PFDN4: variants seen among roughly 807,000 people sequenced by gnomAD.
PFDN4 encodes prefoldin 4.
PFDN4 carries 6 observed loss-of-function variants against 17.6 expected under a neutral mutation model. The observed-to-expected ratio is 0.34, with a 90% CI of 0.19 to 0.67. The LOEUF is 0.67. Among genes scored for constraint, PFDN4 ranks in the 30% least tolerant of loss-of-function variants. The pLI is 0.68. For missense variants in PFDN4, 119 were observed against 158.4 expected (o/e 0.75, Z 1.33); for synonymous variants, 48 against 51.1 (o/e 0.94, Z 0.26).
At chr20:54,216,488 T>C (rs2092762622) in intron 3 of PFDN4, among the ~76,000 whole-genome samples, 1 of 152,180 alleles carries the variant, frequency 6.6e-6, no homozygotes, top group Non-Finnish European at 1.5e-5. Context: ...GTTTAAATCT[T>C]TTCTTCTTGG....
At chr20:54,216,633 CT>C (rs1266420326) in intron 3 of PFDN4, among the ~76,000 whole-genome samples, 1 of 151,852 alleles carries the variant, frequency 6.6e-6, no homozygotes, top group Non-Finnish European at 1.5e-5. Context: ...AGCTACTGAA[CT>C]TTTATTTTAT....
intron 2 of PFDN4, among the ~76,000 whole-genome samples, 174 bp downstream of exon 2, chr20:54,214,632 A>T (rs548595859): frequency 3.5e-4 from 53 of 152,100 alleles, no homozygotes; most frequent in Non-Finnish European, 6.3e-4. Flanking sequence ...GCGATAACTT[A>T]CAGAGTTGTT....
intron 1 of PFDN4, 43 bp downstream of exon 1, chr20:54,208,167 G>T: frequency 6.7e-7 from 1 of 1,502,948 alleles, no homozygotes. Flanking sequence ...GGCGGCGCCG[G>T]ATCTCGGCCG....
intron 1 of PFDN4, among the ~76,000 whole-genome samples, chr20:54,212,822 A>G (rs1000733451): frequency 1.6e-4 from 24 of 151,770 alleles, no homozygotes; most frequent in African/African-American, 5.9e-4. Context: ...GTGCCAAGAT[A>G]TAGACTTTGG....
At chr20:54,218,765 A>C (rs759607015) in intron 3 of PFDN4, among the ~76,000 whole-genome samples, 2 of 152,254 alleles carry the variant, frequency 1.3e-5, no homozygotes, top group Non-Finnish European at 2.9e-5. Context: ...TAATTTAGAC[A>C]GTAATTTTTT....
chr20:54,211,939 T>C (rs1212333205), intron 1 of PFDN4, among the ~76,000 whole-genome samples: 1 of 152,178 alleles, frequency 6.6e-6, no homozygotes, highest in Non-Finnish European at 1.5e-5. Flanking sequence ...AAGCCTGTAA[T>C]CCCAGCACTT....
rs1290053378 is a variant in PFDN4, at chr20:54,219,000, T to A, written c.274-19T>A. The A allele has an allele frequency of 7.1e-7, 1 of 1,408,454 alleles. No individual in the cohort carries two copies. Among genetic ancestry groups the A allele is most frequent in the Non-Finnish European group, 9.7e-7 (1 of 1,033,940 alleles). The allele number at this position is 1,408,454 out of a possible 1,614,324, so 87.2% of individuals were successfully genotyped here. Reference sequence around the variant, plus strand: ...ATCATCCTATTGAATAGAATTAATTTAAAATATTTTTTTTCCAGAAAAATT... The same window carrying A: ...ATCATCCTATTGAATAGAATTAATTAAAAATATTTTTTTTCCAGAAAAATT... On this transcript the variant is annotated intron_variant, in intron 3 of 3. Transcript: ENST00000371419.
At chr20:54,208,533 A>G (rs866226449) in intron 1 of PFDN4, 48 of 179,018 alleles carry the variant, frequency 2.7e-4, no homozygotes, top group Middle Eastern at 2.3e-3. Context: ...GGTTATGGGT[A>G]GCTGCTGCTG....
intron 3 of PFDN4, among the ~76,000 whole-genome samples, chr20:54,215,958 T>G (rs1292455785): frequency 6.6e-6 from 1 of 152,258 alleles, no homozygotes; most frequent in Non-Finnish European, 1.5e-5. Flanking sequence ...AAGCCTGCTC[T>G]GAGCCTGGCA....
At chr20:54,208,427 C>G (rs944372896) in intron 1 of PFDN4, 1 of 382,100 alleles carries the variant, frequency 2.6e-6, no homozygotes, top group Non-Finnish European at 4.6e-6. Flanking sequence ...CCTGCAGCCC[C>G]GGCCTCGCCC....
intron 3 of PFDN4, among the ~76,000 whole-genome samples, chr20:54,217,089 A>G (rs2092763541): frequency 6.6e-6 from 1 of 152,160 alleles, no homozygotes; most frequent in Non-Finnish European, 1.5e-5. Context: ...TGCATGGAGC[A>G]TATAGTCTAG....
chr20:54,213,638 A>G (rs1030505427), intron 1 of PFDN4, among the ~76,000 whole-genome samples: 39 of 152,244 alleles, frequency 2.6e-4, no homozygotes, highest in African/African-American at 7.2e-4. Flanking sequence ...TAGCAGAGAT[A>G]ATAAAGTACT....
At chr20:54,209,022 CAGAT>C (rs1348219095) in intron 1 of PFDN4, 3 of 152,090 alleles carry the variant, frequency 2.0e-5, no homozygotes, top group African/African-American at 4.8e-5. Flanking sequence ...TAAAGATAGT[CAGAT>C]AGAAGAAAAA....
At chr20:54,215,570 C>A in intron 3 of PFDN4, 130 bp downstream of exon 3, 1 of 573,490 alleles carries the variant, frequency 1.7e-6, no homozygotes, top group Non-Finnish European at 2.9e-6. Context: ...AGGCATGCTC[C>A]GAATGCTTTG....
chr20:54,216,136 T>C (rs372654090), intron 3 of PFDN4, among the ~76,000 whole-genome samples: 3 of 152,304 alleles, frequency 2.0e-5, no homozygotes, highest in African/African-American at 7.2e-5. Flanking sequence ...ATTTAGAAAA[T>C]TGTTTTGAGG....
Position 54,219,163 on chromosome 20 carries a change from A to AC in PFDN4, c.*14dup, listed in dbSNP as rs770901933. On this transcript the variant is annotated 3_prime_UTR_variant, in exon 4 of 4. Coordinates refer to ENST00000371419, the MANE Select transcript of PFDN4 (RefSeq NM_002623.4). ...TGATGAAAGTTAAACATTTTATAAT[A>AC]CTTTTTTTATTTGTTTAATAAACTT... The AC allele has an allele frequency of 7.1e-6, 10 of 1,414,190 alleles. No individual in the cohort carries two copies. The highest frequency in any genetic ancestry group is 8.5e-6 in the Non-Finnish European group (9 of 1,055,988). The allele number at this position is 1,414,190 out of a possible 1,614,324, so 87.6% of individuals were successfully genotyped here.
At position 54,219,803 on chromosome 20, in the gene PFDN4, A is replaced by G; in HGVS notation, c.*653A>G. 7.5e-6 allele frequency: 3 copies of G among 398,298 alleles called. No individual in the cohort carries two copies. Among genetic ancestry groups the G allele is most frequent in the Non-Finnish European group, 1.3e-5 (3 of 225,922 alleles). 24.7% of individuals were successfully genotyped at this position (398,298 alleles called of 1,614,324 possible). A position where few individuals can be genotyped will look rare whatever the true frequency, so the allele number is the denominator to read the frequency against. ...TAGAAACCAAGAGATGTGCAGAAAGAAATGTTTAGTGTTTTTTCGTTTTAA... is the reference window on the plus strand; with the variant it reads ...TAGAAACCAAGAGATGTGCAGAAAGGAATGTTTAGTGTTTTTTCGTTTTAA... On this transcript the variant is annotated 3_prime_UTR_variant, in exon 4 of 4. Coordinates refer to ENST00000371419, the MANE Select transcript of PFDN4 (RefSeq NM_002623.4).
At chr20:54,216,657 T>C (rs1168882807) in intron 3 of PFDN4, among the ~76,000 whole-genome samples, 1 of 151,930 alleles carries the variant, frequency 6.6e-6, no homozygotes, top group Non-Finnish European at 1.5e-5. Context: ...TATTTATTTA[T>C]TTATTTATTT....
chr20:54,216,619 A>G (rs938423332), intron 3 of PFDN4, among the ~76,000 whole-genome samples: 3 of 152,026 alleles, frequency 2.0e-5, no homozygotes, highest in African/African-American at 7.2e-5. Context: ...CCCCATACAC[A>G]GATAGCTACT....
Sources: allele counts gnomAD v4.1 joint callset (sites outside exome capture counted in the v4.1 genomes callset), GRCh38; gene constraint gnomAD v4.1.1; transcripts MANE v1.5; gene names NCBI Gene and HGNC (gene_info 2026-07-23, HGNC 2026-07-21).